CDC42BPG: variants seen among roughly 807,000 people sequenced by gnomAD.
The protein encoded by CDC42BPG is serine/threonine-protein kinase MRCK gamma.
A neutral mutation model predicts 192.2 loss-of-function variants in CDC42BPG; 157 were observed. The ratio of observed to expected loss-of-function variants is 0.82; its 90% CI spans 0.72 to 0.93. The LOEUF is 0.93. CDC42BPG is among the 40% of genes least tolerant of loss of function. CDC42BPG has a pLI of 0.00. For synonymous variants in CDC42BPG, 981 were observed against 918.5 expected (o/e 1.07, Z -1.23); for missense variants, 1,992 against 2,122.1 (o/e 0.94, Z 1.20).
chr11:64,824,388 A>G lies in CDC42BPG; in HGVS notation c.*85T>C, dbSNP rs1243135302. ...CTGAGTCCGAATTTCCATGTCCCGG[A>G]CCAGCCGGAGTATGGCATTCCTCAA... is the stretch of plus-strand genomic sequence containing the variant. On this transcript the variant is annotated 3_prime_UTR_variant, in exon 37 of 37. Coordinates refer to ENST00000342711, the MANE Select transcript of CDC42BPG (RefSeq NM_017525.3). 1.0e-6 allele frequency: 1 copy of G among 986,324 alleles called. No individual in the cohort carries two copies. Among genetic ancestry groups the G allele is most frequent in the African/African-American group, 1.6e-5 (1 of 63,024 alleles). The allele number at this position is 986,324 out of a possible 1,614,324, so 61.1% of individuals were successfully genotyped here. A position where few individuals can be genotyped will look rare whatever the true frequency, so the allele number is the denominator to read the frequency against.
At chr11:64,831,950 G>A (rs567172513) in intron 27 of CDC42BPG, among the ~76,000 whole-genome samples, 2 of 152,390 alleles carry the variant, frequency 1.3e-5, no homozygotes, top group East Asian at 3.9e-4. Context: ...GCCGGGAAGT[G>A]AAGGATGACT....
intron 3 of CDC42BPG, 28 bp from the exon 4 acceptor site, chr11:64,840,676 T>C (rs1592723905): frequency 1.2e-6 from 2 of 1,605,218 alleles, no homozygotes. Context: ...AAGTAAGGGG[T>C]GGGGTGGGAT....
intron 4 of CDC42BPG, 126 bp from the exon 5 acceptor site, chr11:64,840,394 C>A: frequency 6.9e-7 from 1 of 1,443,472 alleles, no homozygotes; most frequent in South Asian, 1.3e-5. Flanking sequence ...CAGTTCCCAG[C>A]CAGGGCTCAG....
At chr11:64,829,353 G>A (rs926513445) in intron 30 of CDC42BPG, 118 bp downstream of exon 30, 12 of 1,318,890 alleles carry the variant, frequency 9.1e-6, no homozygotes, top group African/African-American at 5.9e-5. Flanking sequence ...TTGGGCTGGA[G>A]GATGCAAACT....
chr11:64,839,747 A>G lies in CDC42BPG; in HGVS notation c.582-176T>C, dbSNP rs140540693. On this transcript the variant is annotated intron_variant, in intron 5 of 36. Transcript: ENST00000342711. ...GTGTGTAGATGATCCCACAGGCCAG[A>G]AGGAGGAAGATGGCTAGATTGTAGA... is the stretch of plus-strand genomic sequence containing the variant. Among the ~76,000 whole-genome samples the G allele has an allele frequency of 3.3e-3, 496 of 152,306 alleles. 3 individuals carry two copies. Among genetic ancestry groups the G allele is most frequent in the African/African-American group, 0.011 (477 of 41,562 alleles).
At chr11:64,832,557 C>A (rs1393009938) in intron 26 of CDC42BPG, 47 bp downstream of exon 26, 1 of 1,613,910 alleles carries the variant, frequency 6.2e-7, no homozygotes, top group Admixed American at 1.7e-5. Flanking sequence ...CCCTGACTGC[C>A]CCCCTTACCA....
Position 64,841,659 on chromosome 11 carries a change from C to G in CDC42BPG, c.327G>C (p.Lys109Asn). ...CAGACTCCACACTGACCTCAGCCCT[C>G]TTCAGCATCTCCCACTTGTGCAGCA... ...MKMLHKWEML[K>N]RAETACFREE... Residue 109 changes from lysine to asparagine, a missense_variant, in exon 3 of 37, where the codon AAG becomes AAC. Transcript: ENST00000342711. 6.2e-7 allele frequency: 1 copy of G among 1,613,504 alleles called. No homozygotes were observed. The highest frequency in any genetic ancestry group is 8.5e-7 in the Non-Finnish European group (1 of 1,179,880).
chr11:64,836,294 C>T lies in CDC42BPG; in HGVS notation c.1491G>A (p.Glu497=). 1 of 1,607,312 alleles carries T rather than the reference C, an allele frequency of 6.2e-7. No individual in the cohort carries two copies. Among genetic ancestry groups the T allele is most frequent in the Non-Finnish European group, 8.5e-7 (1 of 1,178,080 alleles). The stretch of plus-strand genomic sequence containing the variant: ...GCAGCCCTGCCCGACCCTCGGCCAG[C>T]TCCTGAGGAGGCAGGGGAGGGAGCG... ...LRQELDRLHR[E]LAEGRAGLQA... Residue 497 remains glutamate (E), a splice_region_variant and synonymous_variant, in exon 13 of 37, where the codon GAG becomes GAA. Transcript: ENST00000342711.
At chr11:64,834,633 AC>A in intron 18 of CDC42BPG, 56 bp from the exon 19 acceptor site, 1 of 1,476,170 alleles carries the variant, frequency 6.8e-7, no homozygotes, top group Non-Finnish European at 9.0e-7. Flanking sequence ...TGCCTCAGGG[AC>A]CCCCTGCTAC....
At position 64,826,745 on chromosome 11, in the gene CDC42BPG, G is replaced by C; in HGVS notation, c.4439C>G (p.Pro1480Arg). Residue 1480 changes from proline to arginine, a missense_variant, in exon 35 of 37, where the codon CCC becomes CGC. Transcript: ENST00000342711. ...CCGCAACGCCTCGGAGAAGCTGTGG[G>C]GCCGCTGTGGGCCGGAGCCGCGGGC... is the stretch of plus-strand genomic sequence containing the variant. The part of the protein sequence containing the change: ...RVARGSGPQR[P>R]HSFSEALRRP... 1 of 1,539,420 alleles carries C rather than the reference G, an allele frequency of 6.5e-7. No individual in the cohort carries two copies. The highest frequency in any genetic ancestry group is 8.7e-7 in the Non-Finnish European group (1 of 1,143,892).
intron 4 of CDC42BPG, 100 bp from the exon 5 acceptor site, chr11:64,840,368 G>T (rs938468293): frequency 6.7e-7 from 1 of 1,502,444 alleles, no homozygotes; most frequent in Non-Finnish European, 9.0e-7. Flanking sequence ...GCATCTCCCA[G>T]CAGCTCTGGG....
chr11:64,829,376 C>T, intron 30 of CDC42BPG, 95 bp downstream of exon 30: 1 of 1,499,572 alleles, frequency 6.7e-7, no homozygotes, highest in Non-Finnish European at 9.0e-7. Context: ...CACCAAAGGC[C>T]TCCAATGCCA....
In CDC42BPG at chr11:64,838,172, G is replaced by T; in HGVS notation, c.1126-10C>A. The T allele has an allele frequency of 6.5e-7, 1 of 1,547,702 alleles. No homozygotes were observed. Among genetic ancestry groups the T allele is most frequent in the Non-Finnish European group, 8.7e-7 (1 of 1,145,702 alleles). ...GCGGTGGCAGGGTCCCCTGCAGAGG[G>T]AGAGGGAAGGAGAGTCAGAGTCCAC... On this transcript the variant is annotated splice_polypyrimidine_tract_variant and intron_variant, in intron 8 of 36. Transcript: ENST00000342711.
In CDC42BPG at chr11:64,838,120, G is replaced by A; in HGVS notation, c.1168C>T (p.His390Tyr). ...PPSHGAFSGH[H>Y]LPFVGFTYTS... is the part of the protein sequence containing the mutation. ...TAGGTGAAGCCCACGAATGGCAGGT[G>A]ATGGCCGGAGAAGGCCCCGTGGGAG... The change falls in exon 9 of 37, where the codon CAC (histidine) becomes TAC (tyrosine). Residue 390 changes from histidine to tyrosine, a missense_variant. His to Tyr is a moderately conservative substitution (Grantham distance 83). Transcript: ENST00000342711. 1 of 1,553,568 alleles carries A rather than the reference G, an allele frequency of 6.4e-7. No individual in the cohort carries two copies. Among genetic ancestry groups the A allele is most frequent in the Non-Finnish European group, 8.7e-7 (1 of 1,148,932 alleles).
rs374256231 is a variant in CDC42BPG, at chr11:64,840,252, T to C, written c.449A>G (p.Tyr150Cys). 3.1e-6 allele frequency: 5 copies of C among 1,612,044 alleles called. No homozygotes were observed. The highest frequency in any genetic ancestry group is 4.2e-6 in the Non-Finnish European group (5 of 1,179,964). Residue 150 changes from tyrosine to cysteine, a missense_variant, in exon 5 of 37, where the codon TAC (tyrosine) becomes TGC (cysteine). Transcript: ENST00000342711. ...DEEYLYLVMD[Y>C]YAGGDLLTLL... ...CGTCAGGAGGTCCCCACCAGCATAGTAGTCCATCACAAGGTACTGGAGGTG... is the reference window on the plus strand; with the variant it reads ...CGTCAGGAGGTCCCCACCAGCATAGCAGTCCATCACAAGGTACTGGAGGTG...
At chr11:64,842,411 A>C (rs1943320515) in intron 1 of CDC42BPG, among the ~76,000 whole-genome samples, 1 of 152,092 alleles carries the variant, frequency 6.6e-6, no homozygotes, top group South Asian at 2.1e-4. Flanking sequence ...GTAGGCATAG[A>C]GGTGCCTGGT....
chr11:64,838,879 G>A lies in CDC42BPG; in HGVS notation c.900C>T (p.Asp300=), dbSNP rs761597473. ...NHEDHLQFPP[D]VPDVPASAQD... ...GGGCGCTGGCTGGCACGTCAGGCAC[G>A]TCCGGGGGGAACTGCAGGTGGTCCT... The change falls in exon 8 of 37, where the codon GAC becomes GAT. Residue 300 remains aspartate (D), a synonymous_variant. Coordinates refer to ENST00000342711, the MANE Select transcript of CDC42BPG (RefSeq NM_017525.3). 1.4e-5 allele frequency: 23 copies of A among 1,609,534 alleles called. No homozygotes were observed. The Admixed American group carries it at 2.0e-4, about 14-fold the overall frequency.
At chr11:64,827,208 C>T (rs765328685) in intron 33 of CDC42BPG, 41 bp from the exon 34 acceptor site, 3 of 1,613,698 alleles carry the variant, frequency 1.9e-6, no homozygotes, top group South Asian at 1.1e-5. Context: ...GAAGCTCCAC[C>T]CTCCCTTCGA....
chr11:64,840,060 A>G, intron 5 of CDC42BPG, 60 bp downstream of exon 5: 1 of 1,523,868 alleles, frequency 6.6e-7, no homozygotes, highest in Non-Finnish European at 9.0e-7. Flanking sequence ...TCCCCAGCAC[A>G]GCTGGCAGGG....
Sources: gnomAD v4.1 joint callset for allele counts (sites outside exome capture counted in the v4.1 genomes callset) on GRCh38, gnomAD v4.1.1 for gene constraint, MANE v1.5 for transcripts, NCBI Gene and HGNC (gene_info 2026-07-23, HGNC 2026-07-21) for gene names.